The following NUP214 variants were observed in gnomAD, a reference collection of about 807,000 sequenced individuals.
The protein encoded by NUP214 is nucleoporin 214, also known as nuclear pore complex protein Nup214.
NUP214 carries 79 observed loss-of-function variants against 196.2 expected under a neutral mutation model. The observed-to-expected ratio is 0.40, with a 90% confidence interval of 0.34 to 0.49. NUP214 has a LOEUF of 0.49. Ranked by LOEUF, NUP214 falls within the 20% of genes least tolerant of loss-of-function variation. The pLI is 0.58. For missense variants in NUP214, 2,468 were observed against 2,539.0 expected (o/e 0.97, Z 0.60); for synonymous variants, 1,020 against 990.5 (o/e 1.03, Z -0.56).
intron 25 of NUP214, among the ~76,000 whole-genome samples, chr9:131,188,297 A>G (rs1374288090): frequency 6.6e-6 from 1 of 152,238 alleles, no homozygotes; most frequent in East Asian, 1.9e-4. Flanking sequence ...TGTCCCTTAG[A>G]AAAATAGGTG....
chr9:131,133,292 T>TGA (rs994553365), intron 7 of NUP214, 83 bp downstream of exon 7: 18 of 864,374 alleles, frequency 2.1e-5, no homozygotes, highest in Non-Finnish European at 2.8e-5. Context: ...CAAGGGGTTT[T>TGA]TTTGTGTTTG....
At position 131,178,427 on chromosome 9, in the gene NUP214, G is replaced by A. The variant is rs1464050434; in HGVS notation, c.3419+17G>A. ...AGCCATGGGGTATGTTCTGACTGCA[G>A]TGTGTTTCAGCCCCTGGCTGCTTCT... On this transcript the variant is annotated intron_variant, in intron 24 of 35. Coordinates refer to ENST00000359428, the MANE Select transcript of NUP214 (RefSeq NM_005085.4). The A allele has an allele frequency of 2.5e-6, 4 of 1,575,658 alleles. No homozygotes were observed. In the Admixed American group the frequency reaches 6.7e-5, roughly 26 times the overall value.
chr9:131,194,846 C>G (rs978188132), intron 27 of NUP214, among the ~76,000 whole-genome samples: 1 of 152,164 alleles, frequency 6.6e-6, no homozygotes, highest in African/African-American at 2.4e-5. Context: ...TCTTACCAGA[C>G]CTTCCTTCTG....
rs192222996 is a variant in NUP214 at position 131,153,968 on chromosome 9, T to C, written c.2436+2074T>C. On this transcript the variant is annotated intron_variant, in intron 17 of 35. Transcript: ENST00000359428. ...GCAGCCGAGCCAGAGAAAAGAAGTA[T>C]TTGTGATAGGCTTTAAAAGAAGAAT... 2.3e-3 allele frequency among the ~76,000 whole-genome samples: 350 copies of C among 152,266 alleles called. 4 individuals carry two copies. Among genetic ancestry groups the C allele is most frequent in the African/African-American group, 8.1e-3 (336 of 41,540 alleles).
chr9:131,212,416 A>G (rs765161727), intron 30 of NUP214, among the ~76,000 whole-genome samples: 3 of 152,156 alleles, frequency 2.0e-5, no homozygotes, highest in Non-Finnish European at 2.9e-5. Flanking sequence ...TTTGAAATCC[A>G]TAATAACTTA....
chr9:131,214,290 ATTT>A (rs1834332689), intron 30 of NUP214, among the ~76,000 whole-genome samples: 1 of 152,296 alleles, frequency 6.6e-6, no homozygotes, highest in Admixed American at 6.5e-5. Flanking sequence ...AACAGCAACC[ATTT>A]TTTGAGCATA....
Position 131,201,692 on chromosome 9 carries a change from G to A in NUP214, c.5567G>A (p.Ser1856Asn). 3 of 1,614,066 alleles carry A rather than the reference G, an allele frequency of 1.9e-6. No homozygotes were observed. Among genetic ancestry groups the A allele is most frequent in the Non-Finnish European group, 2.5e-6 (3 of 1,179,894 alleles). ...GGTTCTGTGTTTGGTCAAGCAGCCA[G>A]TACTGGTGGAATAGTCTTTGGCCAG... ...NTGSVFGQAA[S>N]TGGIVFGQQS... Residue 1856 changes from serine (S) to asparagine (N), a missense_variant, in exon 30 of 36, where the codon AGT (serine) becomes AAT (asparagine). Transcript: ENST00000359428.
chr9:131,147,810 A>G (rs1283938575), intron 14 of NUP214, among the ~76,000 whole-genome samples: 1 of 152,256 alleles, frequency 6.6e-6, no homozygotes, highest in Non-Finnish European at 1.5e-5. Context: ...AGAAAAAAGT[A>G]CACATGATAC....
intron 26 of NUP214, 63 bp from the exon 27 acceptor site, chr9:131,192,145 G>A: frequency 1.9e-6 from 2 of 1,037,982 alleles, no homozygotes; most frequent in Non-Finnish European, 2.7e-6. Context: ...CACTGGAACA[G>A]TGTTTCTGTC....
chr9:131,145,610 T>C (rs1380777802), intron 12 of NUP214, among the ~76,000 whole-genome samples: 1 of 152,242 alleles, frequency 6.6e-6, no homozygotes, highest in Non-Finnish European at 1.5e-5. Flanking sequence ...TGCTGGAGTT[T>C]AGATTGTCTA....
chr9:131,169,300 C>A (rs1832887364), intron 21 of NUP214, among the ~76,000 whole-genome samples: 1 of 152,036 alleles, frequency 6.6e-6, no homozygotes, highest in African/African-American at 2.4e-5. Flanking sequence ...TCCCAAAGTG[C>A]TCGGATTACA....
rs536780057 is a variant in NUP214, at chr9:131,216,751, C to T, written c.5749+1383C>T. Among the ~76,000 whole-genome samples, 25 of 149,526 alleles carry T rather than the reference C, an allele frequency of 1.7e-4. No individual in the cohort carries two copies. In the Middle Eastern group the frequency reaches 0.018, roughly 106 times the overall value. On this transcript the variant is annotated intron_variant, in intron 31 of 35. Transcript: ENST00000359428. ...CATGTTGGCCAGGCTGGTCTCGAAC[C>T]CCTGACCTCAGGTGATCCGCCCACC... is the stretch of plus-strand genomic sequence containing the variant.
intron 30 of NUP214, 27 bp downstream of exon 30, chr9:131,201,744 G>A (rs1479856811): frequency 7.0e-6 from 11 of 1,578,272 alleles, no homozygotes; most frequent in East Asian, 2.2e-5. Flanking sequence ...CTTCATTCAC[G>A]TCAACATGTA....
intron 28 of NUP214, 105 bp from the exon 29 acceptor site, chr9:131,197,109 CTG>C: frequency 2.0e-6 from 3 of 1,483,038 alleles, no homozygotes; most frequent in Non-Finnish European, 2.7e-6. Context: ...CACCCTGACT[CTG>C]TAGAGGGAGG....
intron 21 of NUP214, among the ~76,000 whole-genome samples, chr9:131,170,248 G>T (rs754079024): frequency 6.6e-6 from 1 of 152,152 alleles, no homozygotes; most frequent in Non-Finnish European, 1.5e-5. Context: ...GGCAGAGGTC[G>T]CAGTGAGCCG....
intron 21 of NUP214, among the ~76,000 whole-genome samples, chr9:131,165,009 C>A (rs1426794142): frequency 6.6e-6 from 1 of 152,160 alleles, no homozygotes; most frequent in African/African-American, 2.4e-5. Flanking sequence ...TCTGTACTCA[C>A]ATAGAGCTAA....
At chr9:131,178,041 T>G (rs931923037) in intron 23 of NUP214, among the ~76,000 whole-genome samples, 1 of 152,194 alleles carries the variant, frequency 6.6e-6, no homozygotes, top group Admixed American at 6.5e-5. Context: ...CTCAGCTCTG[T>G]GTAGAAAAGC....
chr9:131,202,964 G>A (rs1308610234), intron 30 of NUP214, among the ~76,000 whole-genome samples: 1 of 138,108 alleles, frequency 7.2e-6, no homozygotes, highest in South Asian at 2.3e-4. Context: ...TTTTTTTTTT[G>A]AGACCGAGTG....
intron 24 of NUP214, among the ~76,000 whole-genome samples, chr9:131,186,818 C>A (rs953919613): frequency 6.6e-6 from 1 of 152,176 alleles, no homozygotes; most frequent in African/African-American, 2.4e-5. Flanking sequence ...ACCTGGTGAG[C>A]CCTGGAGATA....
Sources: allele counts gnomAD v4.1 joint callset (sites outside exome capture counted in the v4.1 genomes callset), GRCh38; gene constraint gnomAD v4.1.1; transcripts MANE v1.5; gene names NCBI Gene and HGNC (gene_info 2026-07-23, HGNC 2026-07-21).